Variants in SFPQ observed in about 807,000 individuals in gnomAD.
SFPQ encodes the protein splicing factor, proline- and glutamine-rich.
In SFPQ, 11 loss-of-function variants were observed where a neutral mutation model predicts 72.9. That is an observed-to-expected ratio of 0.15 (90% CI 0.09 to 0.25). The LOEUF (loss-of-function observed/expected upper bound fraction) is 0.25. Ranked by LOEUF, SFPQ falls within the 10% of genes least tolerant of loss-of-function variation. The pLI, the probability that SFPQ is intolerant of heterozygous loss-of-function variation, is 1.00. For missense variants in SFPQ, 847 were observed against 993.3 expected, an observed-to-expected ratio of 0.85 and a Z score of 1.98; for synonymous variants, 506 against 367.3, an observed-to-expected ratio of 1.38 and a Z score of -4.32.
Position 35,187,964 on chromosome 1 carries a change from C to G in SFPQ, c.1815+9G>C. 1.3e-6 allele frequency: 2 copies of G among 1,587,924 alleles called. No homozygotes were observed. The highest frequency in any genetic ancestry group is 1.7e-6 in the Non-Finnish European group (2 of 1,156,154). On this transcript the variant is annotated intron_variant, in intron 7 of 9. Coordinates refer to ENST00000357214, the MANE Select transcript of SFPQ (RefSeq NM_005066.3). ...AACTCCAATTGGAAGGCAGTAAAGG[C>G]TGACTTACTGGATCCATGTAGCCCA...
chr1:35,184,312 C>A lies in SFPQ; in HGVS notation c.*144G>T. On this transcript the variant is annotated 3_prime_UTR_variant, in exon 10 of 10. Coordinates refer to ENST00000357214, the MANE Select transcript of SFPQ (RefSeq NM_005066.3). ...ACTGCATTACATAATTTTACCTGCCCAAACAGACCATTTACAAATATTAGG... is the reference window on the plus strand; with the variant it reads ...ACTGCATTACATAATTTTACCTGCCAAAACAGACCATTTACAAATATTAGG... The A allele has an allele frequency of 6.8e-7, 1 of 1,467,954 alleles. No individual in the cohort carries two copies. The highest frequency in any genetic ancestry group is 8.9e-7 in the Non-Finnish European group (1 of 1,118,088). 90.9% of individuals were successfully genotyped at this position (1,467,954 alleles called of 1,614,324 possible). A position where few individuals can be genotyped will look rare whatever the true frequency, so the allele number is the denominator to read the frequency against.
At chr1:35,187,881 G>A (rs748431515) in intron 7 of SFPQ, 92 bp downstream of exon 7, 3 of 748,212 alleles carry the variant, frequency 4.0e-6, no homozygotes, top group Non-Finnish European at 6.7e-6. Context: ...GAAAATAACT[G>A]TAATTTGATA....
chr1:35,192,663 G>A lies in SFPQ; in HGVS notation c.387C>T (p.Ser129=). 1.4e-6 allele frequency: 2 copies of A among 1,395,514 alleles called. No homozygotes were observed. Among genetic ancestry groups the A allele is most frequent in the East Asian group, 6.1e-5 (2 of 32,860 alleles). The allele number at this position is 1,395,514 out of a possible 1,614,324, so 86.4% of individuals were successfully genotyped here. ...PGVGSAPPAS[S]SAPPATPPTS... ...TTGGTGGAGTGGCGGGCGGGGCCGA[G>A]CTGGAGGCTGGTGGTGCGCTGCCTA... Residue 129 remains serine, a synonymous_variant, in exon 1 of 10, where the codon AGC becomes AGT. Coordinates refer to ENST00000357214, the MANE Select transcript of SFPQ (RefSeq NM_005066.3).
At position 35,191,544 on chromosome 1, in the gene SFPQ, AAG is replaced by A. The variant is rs1391922690; in HGVS notation, c.829-17_829-16del. On this transcript the variant is annotated splice_polypyrimidine_tract_variant and intron_variant, in intron 1 of 9. Transcript: ENST00000357214. ...GCTTTAAACCCCTAATGAAAAAGGA[AAG>A]AAGTTTTCAAACACCAGAGACCTCT... 2.6e-5 allele frequency: 42 copies of A among 1,599,580 alleles called. No individual in the cohort carries two copies. Among genetic ancestry groups the A allele is most frequent in the Middle Eastern group, 1.7e-4 (1 of 6,032 alleles).
At chr1:35,189,981 G>C (rs1639914672) in intron 4 of SFPQ, among the ~76,000 whole-genome samples, 1 of 151,832 alleles carries the variant, frequency 6.6e-6, no homozygotes, top group Non-Finnish European at 1.5e-5. Context: ...ACGTACTTCA[G>C]CCAGGCACGG....
chr1:35,179,240 A>T (rs752714273), downstream of SFPQ: 228 of 1,061,578 alleles, frequency 2.1e-4, no homozygotes, highest in Non-Finnish European at 2.5e-4. Flanking sequence ...AATGATTAAC[A>T]ATAGGAGACA....
rs145015385 is a variant in SFPQ at position 35,183,562 on chromosome 1, A to G, written c.*894T>C. The G allele has an allele frequency of 7.6e-4, 773 of 1,018,894 alleles. 3 individuals carry two copies. In the African/African-American group the frequency reaches 0.012, roughly 16 times the overall value. The allele number at this position is 1,018,894 out of a possible 1,614,324, so 63.1% of individuals were successfully genotyped here. On this transcript the variant is annotated 3_prime_UTR_variant, in exon 10 of 10. Coordinates refer to ENST00000357214, the MANE Select transcript of SFPQ (RefSeq NM_005066.3). ...TTTCAAGTTTTGTTTTTTAGACTAC[A>G]CCCCATCTTTATAAATCACTTGAAT... is the stretch of plus-strand genomic sequence containing the variant.
At chr1:35,180,623 A>AT (rs1334303565), downstream of SFPQ, 1 of 1,050,818 alleles carries the variant, frequency 9.5e-7, no homozygotes, top group Non-Finnish European at 1.1e-6. Flanking sequence ...GTTTTTAAAA[A>AT]TTTTAAATCG....
chr1:35,193,116 G>A lies in SFPQ; in HGVS notation c.-67C>T, dbSNP rs1428203187. On this transcript the variant is annotated 5_prime_UTR_variant, in exon 1 of 10. Transcript: ENST00000357214. ...GCTCAGGAAACGTGGAGGCCACCTT[G>A]CTTCTCACAAAATGGCGGATGACAC... 22 of 1,488,278 alleles carry A rather than the reference G, an allele frequency of 1.5e-5. No homozygotes were observed. The highest frequency in any genetic ancestry group is 5.1e-5 in the East Asian group (2 of 39,352). The allele number at this position is 1,488,278 out of a possible 1,614,324, so 92.2% of individuals were successfully genotyped here.
At chr1:35,182,325 G>GT (rs1028065291), downstream of SFPQ, 8 of 985,154 alleles carry the variant, frequency 8.1e-6, no homozygotes, top group Non-Finnish European at 9.6e-6. Flanking sequence ...AATCTCTTAT[G>GT]TATCACCAAT....
intron 9 of SFPQ, among the ~76,000 whole-genome samples, chr1:35,186,227 GCA>G (rs1170878427): frequency 6.6e-6 from 1 of 152,102 alleles, no homozygotes; most frequent in African/African-American, 2.4e-5. Flanking sequence ...CTATAAAAAT[GCA>G]CTCTCTAAAC....
chr1:35,192,637 G>A lies in SFPQ; in HGVS notation c.413C>T (p.Thr138Ile), dbSNP rs1295296321. The change falls in exon 1 of 10, where the codon ACC becomes ATC. Residue 138 changes from threonine to isoleucine, a missense_variant. Thr to Ile is a moderately conservative substitution (Grantham distance 89). Around this residue, in one of 6 missense-constraint regions of SFPQ, gnomAD observed 498 missense variants for 405.1 expected, o/e 1.23. Transcript: ENST00000357214. ...SSSAPPATPPTSGAPPGSGPG... is the reference protein window; with the variant it reads ...SSSAPPATPPISGAPPGSGPG... ...CCCGGACCCTGGCGGGGCCCCCGAG[G>A]TTGGTGGAGTGGCGGGCGGGGCCGA... is the stretch of plus-strand genomic sequence containing the variant. 3.6e-6 allele frequency: 5 copies of A among 1,380,670 alleles called. No individual in the cohort carries two copies. Among genetic ancestry groups the A allele is most frequent in the Non-Finnish European group, 4.6e-6 (5 of 1,076,662 alleles). The allele number at this position is 1,380,670 out of a possible 1,614,324, so 85.5% of individuals were successfully genotyped here. A position where few individuals can be genotyped will look rare whatever the true frequency, so the allele number is the denominator to read the frequency against.
downstream of SFPQ, chr1:35,178,168 A>T: frequency 9.4e-7 from 1 of 1,066,810 alleles, no homozygotes; most frequent in Non-Finnish European, 1.1e-6. Context: ...ACAGCATAAA[A>T]AAATAGGAAG....
downstream of SFPQ, chr1:35,178,844 T>G: frequency 9.5e-7 from 1 of 1,047,720 alleles, no homozygotes; most frequent in Non-Finnish European, 1.2e-6. Context: ...CCCCCCATTC[T>G]CCACATTGTC....
At chr1:35,190,458 C>G in intron 4 of SFPQ, 40 bp downstream of exon 4, 1 of 1,407,054 alleles carries the variant, frequency 7.1e-7, no homozygotes, top group Non-Finnish European at 1.0e-6. Flanking sequence ...AACCTTTACA[C>G]TTGATTTAAA....
rs536204523 is a variant in SFPQ, at chr1:35,192,754, G to GGCT, written c.293_295dup (p.Gln98dup). The GGCT allele has an allele frequency of 3.0e-5, 45 of 1,493,430 alleles. No individual in the cohort carries two copies. The highest frequency in any genetic ancestry group is 2.1e-4 in the Middle Eastern group (1 of 4,706). 92.5% of individuals were successfully genotyped at this position (1,493,430 alleles called of 1,614,324 possible). ...GGAAGAGTCCTGCGGCGGTGGCGGC[G>GGCT]GCTGCTGCTGCTGATGCGGCTGTGG... On this transcript the variant is annotated inframe_insertion, in exon 1 of 10. Coordinates refer to ENST00000357214, the MANE Select transcript of SFPQ (RefSeq NM_005066.3).
downstream of SFPQ, chr1:35,182,683 G>T: frequency 1.0e-6 from 1 of 985,392 alleles, no homozygotes; most frequent in Non-Finnish European, 1.2e-6. Context: ...GAGGTGAAAA[G>T]GAGGAAGACA....
chr1:35,181,747 C>T (rs1161881775), downstream of SFPQ: 12 of 1,061,388 alleles, frequency 1.1e-5, no homozygotes, highest in Middle Eastern at 4.2e-4. Flanking sequence ...ATTGCTACCT[C>T]CCCTTTCCCA....
chr1:35,192,184 C>T lies in SFPQ; in HGVS notation c.828+38G>A, dbSNP rs971902360. ...GGGGCGAGGAGGGGGCCGCCGCCAT[C>T]TTAGGGGAGCCGACGCGTCGCTCCC... On this transcript the variant is annotated intron_variant, in intron 1 of 9. Coordinates refer to ENST00000357214, the MANE Select transcript of SFPQ (RefSeq NM_005066.3). The T allele has an allele frequency of 2.2e-6, 3 of 1,366,102 alleles. No individual in the cohort carries two copies. The African/African-American group carries it at 4.6e-5, about 21-fold the overall frequency. The allele number at this position is 1,366,102 out of a possible 1,614,324, so 84.6% of individuals were successfully genotyped here. A position where few individuals can be genotyped will look rare whatever the true frequency, so the allele number is the denominator to read the frequency against.
Sources: allele counts gnomAD v4.1 joint callset (sites outside exome capture counted in the v4.1 genomes callset), GRCh38; gene constraint gnomAD v4.1.1; regional missense constraint gnomAD v4.1.1; transcripts MANE v1.5; gene names NCBI Gene and HGNC (gene_info 2026-07-23, HGNC 2026-07-21).